The following CEP128 variants were observed in gnomAD, a reference collection of about 807,000 sequenced individuals.
CEP128 encodes centrosomal protein 128kDa.
Under a neutral mutation model 156.7 loss-of-function variants are expected in CEP128, and 132 were observed. That is an observed-to-expected ratio of 0.84 (90% CI 0.73 to 0.97). CEP128 has a LOEUF of 0.97. Among genes scored for constraint, CEP128 ranks in the 50% least tolerant of loss-of-function variants. CEP128 has a pLI of 0.00. For missense variants in CEP128, 1,252 were observed against 1,281.9 expected (o/e 0.98, Z 0.36); for synonymous variants, 469 against 448.9 (o/e 1.04, Z -0.57).
At chr14:80,805,372 G>A (rs948752812) in intron 13 of CEP128, among the ~76,000 whole-genome samples, 7 of 151,796 alleles carry the variant, frequency 4.6e-5, no homozygotes, top group African/African-American at 1.5e-4. Context: ...AGTGGATCTC[G>A]CCCTTTGTCC....
intron 9 of CEP128, among the ~76,000 whole-genome samples, chr14:80,855,591 G>A (rs550692997): frequency 7.2e-5 from 11 of 152,212 alleles, no homozygotes; most frequent in Admixed American, 6.5e-4. Flanking sequence ...CATTGGTTAT[G>A]GAAACAAGAG....
intron 16 of CEP128, among the ~76,000 whole-genome samples, chr14:80,775,866 G>A (rs1043009678): frequency 6.6e-5 from 10 of 152,168 alleles, no homozygotes; most frequent in East Asian, 3.9e-4. Flanking sequence ...GGAGTCTCGC[G>A]CTGTCGCCCA....
intron 21 of CEP128, among the ~76,000 whole-genome samples, chr14:80,555,813 C>T (rs1306779847): frequency 6.6e-6 from 1 of 152,114 alleles, no homozygotes; most frequent in African/African-American, 2.4e-5. Flanking sequence ...CACAATGATG[C>T]AATGATGCCT....
chr14:80,714,197 T>C (rs1897516636), intron 19 of CEP128, among the ~76,000 whole-genome samples: 1 of 152,148 alleles, frequency 6.6e-6, no homozygotes, highest in South Asian at 2.1e-4. Context: ...AACAAGGCCA[T>C]GTTTTCATTA....
intron 19 of CEP128, among the ~76,000 whole-genome samples, chr14:80,591,682 C>T (rs369807098): frequency 2.6e-5 from 4 of 152,320 alleles, no homozygotes; most frequent in African/African-American, 9.6e-5. Flanking sequence ...GAACTCTCCA[C>T]TCCAAGTCAA....
At chr14:80,865,859 A>C (rs1442946049) in intron 8 of CEP128, among the ~76,000 whole-genome samples, 1 of 152,164 alleles carries the variant, frequency 6.6e-6, no homozygotes, top group Non-Finnish European at 1.5e-5. Context: ...CAGGGAACTG[A>C]ATCCTGACAA....
chr14:80,910,504 C>T (rs539683384), intron 4 of CEP128, among the ~76,000 whole-genome samples: 8 of 152,096 alleles, frequency 5.3e-5, no homozygotes, highest in East Asian at 1.9e-4. Flanking sequence ...GCTCCTACTC[C>T]GGCCATGTGA....
chr14:80,523,640 T>C (rs1888850451), intron 23 of CEP128, among the ~76,000 whole-genome samples: 1 of 152,208 alleles, frequency 6.6e-6, no homozygotes, highest in African/African-American at 2.4e-5. Context: ...TATTTTTGTT[T>C]CATTTTGTTC....
At chr14:80,557,472 G>A (rs1890484841) in intron 21 of CEP128, among the ~76,000 whole-genome samples, 1 of 152,094 alleles carries the variant, frequency 6.6e-6, no homozygotes, top group Non-Finnish European at 1.5e-5. Context: ...CCAAATCCAG[G>A]TCTTCAAACT....
At chr14:80,501,909 T>G (rs1445000217) in intron 24 of CEP128, among the ~76,000 whole-genome samples, 1 of 151,972 alleles carries the variant, frequency 6.6e-6, no homozygotes, top group Non-Finnish European at 1.5e-5. Flanking sequence ...CAAGTGTGCC[T>G]GTCAGTTTAT....
At chr14:80,531,063 G>A in intron 21 of CEP128, 177 bp from the exon 22 acceptor site, 1 of 347,354 alleles carries the variant, frequency 2.9e-6, no homozygotes, top group Non-Finnish European at 5.2e-6. Flanking sequence ...TTTGAAAATA[G>A]AAGAATTATT....
At chr14:80,663,077 A>C (rs1179449256) in intron 19 of CEP128, among the ~76,000 whole-genome samples, 1 of 152,220 alleles carries the variant, frequency 6.6e-6, no homozygotes, top group African/African-American at 2.4e-5. Flanking sequence ...AGTAATAAAC[A>C]ACCCCAATGT....
intron 13 of CEP128, among the ~76,000 whole-genome samples, chr14:80,807,754 C>T (rs1001878569): frequency 1.3e-5 from 2 of 152,196 alleles, no homozygotes; most frequent in African/African-American, 4.8e-5. Context: ...CACCCCAACA[C>T]AGAGACCTAA....
chr14:80,558,895 G>T (rs1434163437), intron 21 of CEP128, among the ~76,000 whole-genome samples: 1 of 152,140 alleles, frequency 6.6e-6, no homozygotes, highest in African/African-American at 2.4e-5. Flanking sequence ...AACAATGAAT[G>T]TTAAAATCTT....
intron 19 of CEP128, among the ~76,000 whole-genome samples, chr14:80,589,603 G>C (rs931150876): frequency 3.9e-5 from 6 of 152,024 alleles, no homozygotes; most frequent in Non-Finnish European, 7.4e-5. Context: ...CCTGCGTTTA[G>C]CTCCTCAAAA....
At chr14:80,759,434 C>T (rs140475646) in intron 17 of CEP128, among the ~76,000 whole-genome samples, 93 of 152,282 alleles carry the variant, frequency 6.1e-4, no homozygotes, top group African/African-American at 2.2e-3. Flanking sequence ...TCCACACTCT[C>T]TCAGAACTAT....
At chr14:80,936,318 G>T (rs1885805544) in intron 2 of CEP128, among the ~76,000 whole-genome samples, 1 of 152,116 alleles carries the variant, frequency 6.6e-6, no homozygotes, top group Admixed American at 6.5e-5. Context: ...GGAGGTCGAG[G>T]CTGCAGTGAT....
At chr14:80,676,597 G>C (rs1249999859) in intron 19 of CEP128, among the ~76,000 whole-genome samples, 2 of 152,130 alleles carry the variant, frequency 1.3e-5, no homozygotes, top group African/African-American at 4.8e-5. Context: ...TGGTGATAAT[G>C]AGTACAGTTC....
intron 16 of CEP128, among the ~76,000 whole-genome samples, chr14:80,765,566 T>C (rs1900197087): frequency 6.6e-6 from 1 of 152,206 alleles, no homozygotes; most frequent in South Asian, 2.1e-4. Context: ...ATTCAAAATA[T>C]GGAAGACACA....
Sources: gnomAD v4.1 joint callset for allele counts (sites outside exome capture counted in the v4.1 genomes callset) on GRCh38, gnomAD v4.1.1 for gene constraint, MANE v1.5 for transcripts, NCBI Gene and HGNC (gene_info 2026-07-23, HGNC 2026-07-21) for gene names.